The following AP2A2 variants were observed in gnomAD, a reference collection of about 807,000 sequenced individuals.
AP2A2 encodes adaptor related protein complex 2 subunit alpha 2, also known as AP-2 complex subunit alpha-2.
A neutral mutation model predicts 104.2 loss-of-function variants in AP2A2; 32 were observed. That is an observed-to-expected ratio of 0.31 (90% confidence interval 0.23 to 0.41). The LOEUF (loss-of-function observed/expected upper bound fraction) is 0.41, where lower values mean the gene tolerates loss of function less well. AP2A2 is among the 10% of genes least tolerant of loss of function. AP2A2 has a pLI of 1.00. For missense variants in AP2A2, 912 were observed against 1,261.0 expected, an observed-to-expected ratio of 0.72 and a Z score of 4.19; for synonymous variants, 539 against 533.3, an observed-to-expected ratio of 1.01 and a Z score of -0.15.
intron 1 of AP2A2, among the ~76,000 whole-genome samples, chr11:934,849 G>GTTTCT (rs1008052183): frequency 1.3e-5 from 2 of 151,166 alleles, no homozygotes; most frequent in Admixed American, 6.6e-5. Context: ...GCAAGTACGT[G>GTTTCT]TTTCTTTTCT....
chr11:1,005,866 A>G (rs1472130919), intron 16 of AP2A2, among the ~76,000 whole-genome samples: 3 of 152,222 alleles, frequency 2.0e-5, no homozygotes, highest in African/African-American at 4.8e-5. Context: ...AGTGATGCCA[A>G]ACTGTTTACT....
At chr11:935,308 C>T (rs1320733036) in intron 1 of AP2A2, among the ~76,000 whole-genome samples, 3 of 152,140 alleles carry the variant, frequency 2.0e-5, no homozygotes, top group South Asian at 2.1e-4. Context: ...CCGCTAGCCT[C>T]GGCCTCCCAA....
chr11:983,694 T>A (rs1281218937), intron 6 of AP2A2, among the ~76,000 whole-genome samples: 1 of 152,252 alleles, frequency 6.6e-6, no homozygotes, highest in Non-Finnish European at 1.5e-5. Flanking sequence ...AGTCTCTTTT[T>A]AAACGCTTGA....
intron 2 of AP2A2, among the ~76,000 whole-genome samples, chr11:969,403 A>AT (rs1309727693): frequency 3.3e-5 from 5 of 150,852 alleles, no homozygotes; most frequent in Admixed American, 2.0e-4. Flanking sequence ...CTAATTTTGT[A>AT]TTTTTACTAG....
At chr11:986,088 C>T (rs1165984336) in intron 8 of AP2A2, among the ~76,000 whole-genome samples, 3 of 152,234 alleles carry the variant, frequency 2.0e-5, no homozygotes, top group Non-Finnish European at 2.9e-5. Context: ...TTGCGGCGCA[C>T]CACATGTGGT....
intron 21 of AP2A2, chr11:1,010,165 C>G: frequency 4.2e-6 from 2 of 471,398 alleles, no homozygotes. Context: ...AGCTGTTCCT[C>G]TCTGTCACCG....
chr11:1,000,528 G>A lies in AP2A2; in HGVS notation c.2053G>A (p.Val685Met), dbSNP rs776924402. The A allele has an allele frequency of 1.6e-5, 24 of 1,545,472 alleles. No homozygotes were observed. The highest frequency in any genetic ancestry group is 9.6e-5 in the Admixed American group (5 of 52,006). ...PPSSGGSGLL[V>M]DVFSDSASVV... The stretch of plus-strand genomic sequence containing the variant: ...CTCCTCCGGCGGCAGCGGGCTGCTC[G>A]TGGACGTGTTCTCAGACTCGGCCTC... Residue 685 changes from valine to methionine, a missense_variant, in exon 15 of 22, where the codon GTG (valine) becomes ATG (methionine). By Grantham distance (21) the Val-to-Met change is conservative (BLOSUM62 1). This residue lies in a region of AP2A2 where 239 missense variants were observed against 329.8 expected (regional missense o/e 0.72). Coordinates refer to ENST00000448903, the MANE Select transcript of AP2A2 (RefSeq NM_012305.4).
At chr11:1,009,599 G>A (rs111839787) in intron 20 of AP2A2, 84 bp from the exon 21 acceptor site, 181,363 of 1,062,444 alleles carry the variant, frequency 0.17, 23,809 homozygotes, top group Non-Finnish European at 0.2. Flanking sequence ...ACGACCCAGC[G>A]CCAGGGTCTG....
chr11:1,010,337 G>T (rs1017909683), intron 21 of AP2A2: 2 of 588,516 alleles, frequency 3.4e-6, no homozygotes, highest in African/African-American at 1.9e-5. Context: ...TTGCACTCCC[G>T]CCAGCTACGT....
In AP2A2 at chr11:939,081, T is replaced by C. The variant is rs568542876; in HGVS notation, c.67+12993T>C. On this transcript the variant is annotated intron_variant, in intron 1 of 21. Coordinates refer to ENST00000448903, the MANE Select transcript of AP2A2 (RefSeq NM_012305.4). ...AGCCTGGCCAATATGAAACCCTGTC[T>C]CTACTAAAAATATAAAAAAATTCCC... 6.6e-5 allele frequency among the ~76,000 whole-genome samples: 10 copies of C among 151,812 alleles called. No homozygotes were observed. The South Asian group carries it at 2.1e-3, about 32-fold the overall frequency.
intron 15 of AP2A2, 39 bp downstream of exon 15, chr11:1,000,637 C>G: frequency 6.6e-7 from 1 of 1,516,796 alleles, no homozygotes; most frequent in Non-Finnish European, 8.8e-7. Flanking sequence ...AGGCACGGGG[C>G]TGCCGTGCCC....
At chr11:964,477 A>G (rs2134588637) in intron 2 of AP2A2, among the ~76,000 whole-genome samples, 1 of 152,242 alleles carries the variant, frequency 6.6e-6, no homozygotes, top group South Asian at 2.1e-4. Flanking sequence ...ACAGGGCAGA[A>G]AAAGCTTGAT....
chr11:962,047 C>A (rs1854459964), intron 2 of AP2A2, among the ~76,000 whole-genome samples: 1 of 152,238 alleles, frequency 6.6e-6, no homozygotes, highest in African/African-American at 2.4e-5. Context: ...CCGCCACCTG[C>A]CCATCAGGGA....
At chr11:939,951 C>CTTTTTTTTT (rs145184268) in intron 1 of AP2A2, among the ~76,000 whole-genome samples, 3 of 106,060 alleles carry the variant, frequency 2.8e-5, no homozygotes, top group East Asian at 2.5e-4. Flanking sequence ...GTTTTGCTTA[C>CTTTTTTTTT]TTTTTTTTTT....
At chr11:957,275 A>T (rs1168983085) in intron 1 of AP2A2, among the ~76,000 whole-genome samples, 1 of 152,198 alleles carries the variant, frequency 6.6e-6, no homozygotes, top group Admixed American at 6.5e-5. Flanking sequence ...AGTTATCTGG[A>T]CGTTCCCCAA....
At chr11:971,951 G>C in intron 3 of AP2A2, 111 bp from the exon 4 acceptor site, 1 of 1,063,464 alleles carries the variant, frequency 9.4e-7, no homozygotes, top group Non-Finnish European at 1.3e-6. Flanking sequence ...GTGCGTGGGT[G>C]GTGCCTGGGC....
chr11:964,276 A>G (rs1367071812), intron 2 of AP2A2, among the ~76,000 whole-genome samples: 2 of 152,208 alleles, frequency 1.3e-5, no homozygotes, highest in Non-Finnish European at 2.9e-5. Context: ...TTCAACAATG[A>G]AGCTACCCTG....
intron 1 of AP2A2, among the ~76,000 whole-genome samples, chr11:941,370 C>G (rs192839122): frequency 5.9e-5 from 9 of 152,234 alleles, no homozygotes; most frequent in Admixed American, 2.6e-4. Context: ...GCCCCGGCCC[C>G]CATTTATGAC....
Position 994,110 on chromosome 11 carries a change from G to C in AP2A2, c.1821G>C (p.Arg607=), listed in dbSNP as rs765788083. 1.2e-6 allele frequency: 2 copies of C among 1,613,094 alleles called. No homozygotes were observed. Among genetic ancestry groups the C allele is most frequent in the Non-Finnish European group, 1.7e-6 (2 of 1,179,860 alleles). The change falls in exon 14 of 22, where the codon CGG becomes CGC. Residue 607 remains arginine (R), a synonymous_variant. Coordinates refer to ENST00000448903, the MANE Select transcript of AP2A2 (RefSeq NM_012305.4). ...VLEEMPPFPE[R]ESSILAKLKK... is the part of the protein sequence containing the mutation. ...AGGAGATGCCCCCATTCCCGGAGCGGGAGTCCTCCATCTTGGCAAAGCTCA... is the reference window on the plus strand; with the variant it reads ...AGGAGATGCCCCCATTCCCGGAGCGCGAGTCCTCCATCTTGGCAAAGCTCA...
Sources: allele counts gnomAD v4.1 joint callset (sites outside exome capture counted in the v4.1 genomes callset), GRCh38; gene constraint gnomAD v4.1.1; regional missense constraint gnomAD v4.1.1; transcripts MANE v1.5; gene names NCBI Gene and HGNC (gene_info 2026-07-23, HGNC 2026-07-21).